The following DOCK1 variants were observed in gnomAD, a reference collection of about 807,000 sequenced individuals.
DOCK1 encodes dedicator of cytokinesis 1.
A neutral mutation model predicts 262.7 loss-of-function variants in DOCK1; 138 were observed. That is an observed-to-expected ratio of 0.53 (90% confidence interval 0.46 to 0.61). The LOEUF (loss-of-function observed/expected upper bound fraction) is 0.61. DOCK1 is among the 20% of genes least tolerant of loss of function. The pLI is 0.00. For synonymous variants in DOCK1, 866 were observed against 867.4 expected (o/e 1.00, Z 0.03); for missense variants, 1,908 against 2,370.7 (o/e 0.80, Z 4.05).
intron 29 of DOCK1, among the ~76,000 whole-genome samples, chr10:127,313,710 C>T (rs1171890795): frequency 6.6e-6 from 1 of 152,056 alleles, no homozygotes; most frequent in Non-Finnish European, 1.5e-5. Context: ...CTCCTCTTTT[C>T]CCCCCGCCTC....
chr10:126,967,521 G>T (rs890667551), intron 1 of DOCK1, among the ~76,000 whole-genome samples: 2 of 141,272 alleles, frequency 1.4e-5, no homozygotes, highest in Non-Finnish European at 3.0e-5. Flanking sequence ...ATTTCCTATT[G>T]CTGCTGTGAC....
Position 127,247,897 on chromosome 10 carries a change from G to A in DOCK1, c.2848-111G>A. Reference sequence around the variant, plus strand: ...GCAGAACCCAGGGCTCCCTGCCCATGCCCCGTTGCTTCTCCCTGACAGTTT... The same window carrying A: ...GCAGAACCCAGGGCTCCCTGCCCATACCCCGTTGCTTCTCCCTGACAGTTT... On this transcript the variant is annotated intron_variant, in intron 27 of 51. Transcript: ENST00000623213. 4.0e-6 allele frequency: 4 copies of A among 989,908 alleles called. No individual in the cohort carries two copies. The South Asian group carries it at 6.2e-5, about 15-fold the overall frequency. The allele number at this position is 989,908 out of a possible 1,614,324, so 61.3% of individuals were successfully genotyped here. A position where few individuals can be genotyped will look rare whatever the true frequency, so the allele number is the denominator to read the frequency against.
chr10:127,012,456 T>A lies in DOCK1; in HGVS notation c.1201+82T>A, dbSNP rs538297868. On this transcript the variant is annotated intron_variant, in intron 12 of 51. Coordinates refer to ENST00000623213, the MANE Select transcript of DOCK1 (RefSeq NM_001290223.2). This position sits in a 1 kb window ranked among gnomAD's most constrained non-coding sequence, Gnocchi z 4.0. ...GCTGTCTGGGTTGGTTTTAGTTTGA[T>A]GTTGATCATGATGGTGGTGATAATG... 32 of 1,218,876 alleles carry A rather than the reference T, an allele frequency of 2.6e-5. 1 individual carries two copies. In the South Asian group the frequency reaches 3.8e-4, roughly 15 times the overall value. 75.5% of individuals were successfully genotyped at this position (1,218,876 alleles called of 1,614,324 possible).
At chr10:127,399,034 G>T (rs766508276) in intron 38 of DOCK1, among the ~76,000 whole-genome samples, 9 of 152,166 alleles carry the variant, frequency 5.9e-5, no homozygotes, top group South Asian at 2.1e-4. Flanking sequence ...AAACCAAGAG[G>T]TTCAGAAGAA....
At chr10:127,039,075 C>T (rs1289415854) in intron 19 of DOCK1, among the ~76,000 whole-genome samples, 1 of 152,190 alleles carries the variant, frequency 6.6e-6, no homozygotes, top group Non-Finnish European at 1.5e-5. Context: ...CTTAAAATGG[C>T]CTTAATTAAC....
At position 126,985,991 on chromosome 10, in the gene DOCK1, C is replaced by T. The variant is rs535080057; in HGVS notation, c.228-1530C>T. On this transcript the variant is annotated intron_variant, in intron 4 of 51. Coordinates refer to ENST00000623213, the MANE Select transcript of DOCK1 (RefSeq NM_001290223.2). Reference sequence around the variant, plus strand: ...TCCTGAGTAGCTGGGATTACAGGCCCGCACCACCATGCCCGGCTGATTTTT... The same window carrying T: ...TCCTGAGTAGCTGGGATTACAGGCCTGCACCACCATGCCCGGCTGATTTTT... Among the ~76,000 whole-genome samples, 10 of 152,130 alleles carry T rather than the reference C, an allele frequency of 6.6e-5. No individual in the cohort carries two copies. In the South Asian group the frequency reaches 1.2e-3, roughly 19 times the overall value.
intron 23 of DOCK1, among the ~76,000 whole-genome samples, chr10:127,081,783 A>G (rs1247411320): frequency 6.6e-6 from 1 of 152,108 alleles, no homozygotes; most frequent in African/African-American, 2.4e-5. Context: ...TAAAAAAATC[A>G]CCTTTATTGA....
intron 1 of DOCK1, among the ~76,000 whole-genome samples, chr10:126,942,436 G>C: frequency 6.6e-6 from 1 of 152,264 alleles, no homozygotes; most frequent in South Asian, 2.1e-4. Context: ...CTCACTTTTA[G>C]TTTCAGGTGG....
chr10:126,926,122 G>A (rs2033697584), intron 1 of DOCK1, among the ~76,000 whole-genome samples: 1 of 152,120 alleles, frequency 6.6e-6, no homozygotes, highest in African/African-American at 2.4e-5. Context: ...GGGGTAAAAT[G>A]TTCAGCATCG....
chr10:126,997,880 A>T (rs2040323231), intron 7 of DOCK1: 2 of 555,458 alleles, frequency 3.6e-6, no homozygotes, highest in Non-Finnish European at 6.3e-6. Flanking sequence ...GAAAATACTC[A>T]GCACAGCAGT....
intron 4 of DOCK1, among the ~76,000 whole-genome samples, chr10:126,985,511 C>T (rs972747928): frequency 6.6e-6 from 1 of 152,142 alleles, no homozygotes; most frequent in African/African-American, 2.4e-5. Flanking sequence ...GGAACCAGAA[C>T]CAACAGCAGG....
chr10:127,057,047 A>T (rs1452787594), intron 22 of DOCK1, among the ~76,000 whole-genome samples: 1 of 151,934 alleles, frequency 6.6e-6, no homozygotes, highest in Non-Finnish European at 1.5e-5. Flanking sequence ...TCTGAAATGT[A>T]GCTGAAATCG....
At chr10:127,184,642 G>T (rs2056059976) in intron 27 of DOCK1, among the ~76,000 whole-genome samples, 1 of 152,082 alleles carries the variant, frequency 6.6e-6, no homozygotes, top group African/African-American at 2.4e-5. Context: ...CATCTTTCTA[G>T]ATTTCTCTTG....
At chr10:127,005,729 A>T (rs1338073183) in intron 10 of DOCK1, among the ~76,000 whole-genome samples, 2 of 152,102 alleles carry the variant, frequency 1.3e-5, no homozygotes, top group Non-Finnish European at 2.9e-5. Context: ...GTTTATTCTG[A>T]TATGTTTGTT....
At chr10:127,209,102 C>T (rs138704186) in intron 27 of DOCK1, among the ~76,000 whole-genome samples, 4 of 152,262 alleles carry the variant, frequency 2.6e-5, no homozygotes, top group African/African-American at 7.2e-5. Flanking sequence ...ACTGGAAACA[C>T]TGAAATTTAT....
chr10:127,219,931 C>T (rs1326790759), intron 27 of DOCK1, among the ~76,000 whole-genome samples: 56 of 152,098 alleles, frequency 3.7e-4, no homozygotes, highest in Admixed American at 3.7e-3. Context: ...CAGTCCTGTG[C>T]ACCATTCACA....
At chr10:126,998,278 T>A in intron 8 of DOCK1, 29 bp downstream of exon 8, 1 of 1,612,888 alleles carries the variant, frequency 6.2e-7, no homozygotes, top group Non-Finnish European at 8.5e-7. Flanking sequence ...CTGCCGTCTT[T>A]CCTCTTTGGT....
At chr10:126,971,939 G>A (rs1247453507) in intron 2 of DOCK1, among the ~76,000 whole-genome samples, 3 of 150,880 alleles carry the variant, frequency 2.0e-5, no homozygotes, top group Non-Finnish European at 4.4e-5. Context: ...TTTTTGAGAC[G>A]GAGTTTTGCT....
intron 27 of DOCK1, chr10:127,135,334 C>T (rs1209948100): frequency 7.9e-5 from 12 of 152,202 alleles, no homozygotes; most frequent in Non-Finnish European, 1.6e-4. Flanking sequence ...AAATGCCTAT[C>T]GGCCCAAACA....
Sources: allele counts gnomAD v4.1 joint callset (sites outside exome capture counted in the v4.1 genomes callset), GRCh38; gene constraint gnomAD v4.1.1; non-coding constraint Gnocchi (gnomAD v3.1); transcripts MANE v1.5; gene names NCBI Gene and HGNC (gene_info 2026-07-23, HGNC 2026-07-21).